The following GRM8 variants were observed in gnomAD, a reference collection of about 807,000 sequenced individuals.
GRM8 encodes the protein metabotropic glutamate receptor 8.
A neutral mutation model predicts 87.2 loss-of-function variants in GRM8; 47 were observed. That is an observed-to-expected ratio of 0.54 (90% CI 0.43 to 0.69). GRM8 has a LOEUF of 0.69. GRM8 is among the 30% of genes least tolerant of loss of function. GRM8 has a pLI of 0.00. For missense variants in GRM8, 1,019 were observed against 1,139.2 expected, an observed-to-expected ratio of 0.89 and a Z score of 1.52; for synonymous variants, 396 against 404.5, an observed-to-expected ratio of 0.98 and a Z score of 0.25.
rs1470563983 is a variant in GRM8 at position 126,654,464 on chromosome 7, G to A, written c.1358-44966C>T. Among the ~76,000 whole-genome samples, 81 of 152,282 alleles carry A rather than the reference G, an allele frequency of 5.3e-4. 1 individual carries two copies. Among genetic ancestry groups the A allele is most frequent in the Non-Finnish European group, 1.2e-4 (8 of 68,020 alleles). On this transcript the variant is annotated intron_variant, in intron 7 of 10. Transcript: ENST00000339582. ...TGGTCTACAGAATTAAAATCAAAGA[G>A]CCTTGCTGAGGTAAGCGACAACATT...
chr7:126,539,185 T>C (rs1275787102), intron 8 of GRM8, among the ~76,000 whole-genome samples: 4 of 151,974 alleles, frequency 2.6e-5, no homozygotes, highest in Non-Finnish European at 4.4e-5. Flanking sequence ...AAATTTCATT[T>C]ACATTAACAC....
intron 6 of GRM8, among the ~76,000 whole-genome samples, chr7:126,815,013 CTCTATATAAT>C (rs1247548271): frequency 6.6e-6 from 1 of 152,102 alleles, no homozygotes; most frequent in Non-Finnish European, 1.5e-5. Flanking sequence ...GTTTATCAGA[CTCTATATAAT>C]TCTAAATTTG....
intron 7 of GRM8, among the ~76,000 whole-genome samples, chr7:126,615,778 A>C (rs1249913192): frequency 6.6e-6 from 1 of 152,334 alleles, no homozygotes; most frequent in South Asian, 2.1e-4. Flanking sequence ...GAGACAAAGA[A>C]GGCCATTACA....
intron 9 of GRM8, among the ~76,000 whole-genome samples, chr7:126,478,532 G>C (rs904460999): frequency 6.6e-6 from 1 of 151,672 alleles, no homozygotes; most frequent in African/African-American, 2.4e-5. Flanking sequence ...AATTTTCATG[G>C]TTTTTGTATA....
intron 3 of GRM8, among the ~76,000 whole-genome samples, chr7:127,076,757 T>C (rs950982014): frequency 4.6e-5 from 7 of 152,188 alleles, no homozygotes; most frequent in Admixed American, 2.6e-4. Flanking sequence ...TTGGCATTCA[T>C]TGGGCTGGTC....
rs570770648 is a variant in GRM8, at chr7:127,032,959, A to G, written c.727+73537T>C. ...AAACTTCTCCCAAAGGCCATTCTAG[A>G]TATCCTTAATCAGTGGATCTCCAGA... On this transcript the variant is annotated intron_variant, in intron 3 of 10. Coordinates refer to ENST00000339582, the MANE Select transcript of GRM8 (RefSeq NM_000845.3). Among the ~76,000 whole-genome samples the G allele has an allele frequency of 1.5e-4, 23 of 151,340 alleles. 1 individual carries two copies. In the East Asian group the frequency reaches 3.9e-3, roughly 26 times the overall value.
chr7:126,495,267 C>A (rs1256284214), intron 9 of GRM8, among the ~76,000 whole-genome samples: 1 of 151,912 alleles, frequency 6.6e-6, no homozygotes, highest in Non-Finnish European at 1.5e-5. Context: ...TGGGTTAGAG[C>A]CAGCACAGCA....
At chr7:126,990,447 CATGAAA>C (rs765876153) in intron 3 of GRM8, among the ~76,000 whole-genome samples, 1 of 151,930 alleles carries the variant, frequency 6.6e-6, no homozygotes, top group Non-Finnish European at 1.5e-5. Context: ...AAATAAAAAG[CATGAAA>C]ATGAAAAACA....
chr7:127,209,807 C>T (rs1343697677), intron 2 of GRM8, among the ~76,000 whole-genome samples: 1 of 152,158 alleles, frequency 6.6e-6, no homozygotes, highest in African/African-American at 2.4e-5. Context: ...AACACATGAA[C>T]TCTCAGCAAA....
intron 7 of GRM8, among the ~76,000 whole-genome samples, chr7:126,652,721 A>G (rs62477922): frequency 0.31 from 46,697 of 152,030 alleles, 8,036 homozygotes; most frequent in East Asian, 0.43. Flanking sequence ...TTGCTTCTCA[A>G]CTTGCAGACA....
chr7:127,028,165 G>A (rs1200527629), intron 3 of GRM8, among the ~76,000 whole-genome samples: 1 of 152,190 alleles, frequency 6.6e-6, no homozygotes, highest in Non-Finnish European at 1.5e-5. Context: ...AGCCTTGCTT[G>A]CATCCCAGGG....
intron 6 of GRM8, among the ~76,000 whole-genome samples, chr7:126,897,412 A>T (rs1368617392): frequency 6.6e-6 from 1 of 152,128 alleles, no homozygotes; most frequent in Non-Finnish European, 1.5e-5. Flanking sequence ...AAATGAGGCA[A>T]TGAAGGGAGA....
intron 3 of GRM8, among the ~76,000 whole-genome samples, chr7:126,921,568 T>A (rs1290933148): frequency 6.6e-6 from 1 of 152,010 alleles, no homozygotes; most frequent in Non-Finnish European, 1.5e-5. Context: ...TTTAAAACAC[T>A]CGTGAGTAAA....
intron 3 of GRM8, among the ~76,000 whole-genome samples, chr7:127,061,304 T>A (rs1820573098): frequency 6.6e-6 from 1 of 152,356 alleles, no homozygotes; most frequent in East Asian, 1.9e-4. Flanking sequence ...ATATGTTATC[T>A]CATTTCGTGC....
chr7:126,592,405 C>T (rs1010341355), intron 8 of GRM8, among the ~76,000 whole-genome samples: 22 of 151,794 alleles, frequency 1.4e-4, no homozygotes, highest in African/African-American at 5.3e-4. Flanking sequence ...AAACAGAATT[C>T]AAAGGCACGT....
At chr7:126,643,798 C>T (rs765380217) in intron 7 of GRM8, among the ~76,000 whole-genome samples, 5 of 152,164 alleles carry the variant, frequency 3.3e-5, no homozygotes, top group Non-Finnish European at 5.9e-5. Flanking sequence ...GGTATTCTTC[C>T]CTATGCTTCA....
rs10239234 is a variant in GRM8, at chr7:127,208,052, G to T, written c.510+34643C>A. Among the ~76,000 whole-genome samples, 488 of 152,180 alleles carry T rather than the reference G, an allele frequency of 3.2e-3. 4 individuals carry two copies. The highest frequency in any genetic ancestry group is 0.011 in the African/African-American group (454 of 41,510). On this transcript the variant is annotated intron_variant, in intron 2 of 10. Coordinates refer to ENST00000339582, the MANE Select transcript of GRM8 (RefSeq NM_000845.3). ...TCCACAAGCCATACCCACATTTTTTGATTGGAAAAGAGACAGCTGTGGTTC... is the reference window on the plus strand; with the variant it reads ...TCCACAAGCCATACCCACATTTTTTTATTGGAAAAGAGACAGCTGTGGTTC...
chr7:126,996,926 A>G (rs553181419), intron 3 of GRM8, among the ~76,000 whole-genome samples: 1 of 152,118 alleles, frequency 6.6e-6, no homozygotes, highest in East Asian at 1.9e-4. Flanking sequence ...CTTAATCCAG[A>G]CTATAGAACA....
chr7:126,671,483 A>G (rs1470583982), intron 7 of GRM8, among the ~76,000 whole-genome samples: 2 of 152,232 alleles, frequency 1.3e-5, no homozygotes, highest in African/African-American at 4.8e-5. Context: ...CTTGCAAGAG[A>G]GAAATCACGT....
Sources: allele counts gnomAD v4.1 joint callset (sites outside exome capture counted in the v4.1 genomes callset), GRCh38; gene constraint gnomAD v4.1.1; transcripts MANE v1.5; gene names NCBI Gene and HGNC (gene_info 2026-07-23, HGNC 2026-07-21).